GRID1: variants seen among roughly 807,000 people sequenced by gnomAD.
The protein encoded by GRID1 is glutamate ionotropic receptor delta type subunit 1.
A neutral mutation model predicts 98.0 loss-of-function variants in GRID1; 28 were observed. That is an observed-to-expected ratio of 0.29 (90% CI 0.21 to 0.39). GRID1 has a LOEUF of 0.39. Ranked by LOEUF, GRID1 falls within the 10% of genes least tolerant of loss-of-function variation. The pLI is 1.00. For synonymous variants in GRID1, 553 were observed against 538.5 expected (o/e 1.03, Z -0.37); for missense variants, 1,111 against 1,340.5 (o/e 0.83, Z 2.67).
chr10:86,009,521 G>A (rs1412521235), intron 4 of GRID1, among the ~76,000 whole-genome samples: 1 of 152,180 alleles, frequency 6.6e-6, no homozygotes, highest in Non-Finnish European at 1.5e-5. Context: ...CTGAGATAAA[G>A]CCAGGCCACG....
intron 8 of GRID1, among the ~76,000 whole-genome samples, chr10:85,773,684 G>A (rs7084225): frequency 0.66 from 99,591 of 151,996 alleles, 32,897 homozygotes; most frequent in East Asian, 0.87. Context: ...CCAATAACAG[G>A]CAAACAGAGA....
chr10:86,253,958 C>T (rs1046934987), intron 2 of GRID1, among the ~76,000 whole-genome samples: 5 of 152,206 alleles, frequency 3.3e-5, no homozygotes, highest in Middle Eastern at 3.2e-3. Context: ...CCTGCCCTCA[C>T]CACCTGTACA....
At chr10:85,928,816 A>G (rs1435114430) in intron 4 of GRID1, among the ~76,000 whole-genome samples, 1 of 152,184 alleles carries the variant, frequency 6.6e-6, no homozygotes, top group Non-Finnish European at 1.5e-5. Context: ...TACACAAACC[A>G]TTCAGAATAT....
intron 2 of GRID1, among the ~76,000 whole-genome samples, chr10:86,323,569 A>G (rs1484056889): frequency 6.6e-6 from 1 of 152,228 alleles, no homozygotes; most frequent in East Asian, 1.9e-4. Flanking sequence ...AAGAATTACC[A>G]AACGGTATGC....
chr10:85,993,562 G>T (rs11201865), intron 4 of GRID1, among the ~76,000 whole-genome samples: 76,169 of 151,952 alleles, frequency 0.5, 19,567 homozygotes, highest in South Asian at 0.72. Context: ...AGTCTGCAAA[G>T]GAGCTACTAC....
intron 8 of GRID1, among the ~76,000 whole-genome samples, chr10:85,750,702 T>C (rs1016142886): frequency 4.6e-5 from 7 of 152,152 alleles, no homozygotes; most frequent in African/African-American, 1.7e-4. Flanking sequence ...GCCTAACAAA[T>C]ATATCTCTTG....
intron 12 of GRID1, among the ~76,000 whole-genome samples, chr10:85,697,138 A>G (rs1841403118): frequency 2.0e-5 from 3 of 152,126 alleles, no homozygotes; most frequent in Admixed American, 2.0e-4. Flanking sequence ...AATTATGTCA[A>G]GTTAGCTGAG....
At chr10:85,619,782 G>C in intron 14 of GRID1, 85 bp downstream of exon 14, 1 of 1,003,968 alleles carries the variant, frequency 1.0e-6, no homozygotes, top group Non-Finnish European at 1.5e-6. Context: ...GTTTGCATTG[G>C]CTCTTATCTT....
intron 4 of GRID1, among the ~76,000 whole-genome samples, chr10:86,040,712 T>C (rs1489814699): frequency 6.6e-6 from 1 of 152,092 alleles, no homozygotes; most frequent in Non-Finnish European, 1.5e-5. Flanking sequence ...CAATAGTGTA[T>C]TGTATATTTC....
chr10:86,349,693 G>A (rs764607267), intron 2 of GRID1, among the ~76,000 whole-genome samples: 1 of 152,200 alleles, frequency 6.6e-6, no homozygotes, highest in African/African-American at 2.4e-5. Flanking sequence ...GCAGCTGTGC[G>A]ACCCCAAGTG....
intron 4 of GRID1, among the ~76,000 whole-genome samples, chr10:86,087,367 G>A (rs1260646669): frequency 7.0e-6 from 1 of 143,062 alleles, no homozygotes; most frequent in Non-Finnish European, 1.5e-5. Flanking sequence ...GTGTGTGTGT[G>A]TTGTGAGTGT....
chr10:85,949,351 A>G (rs533655255), intron 4 of GRID1, among the ~76,000 whole-genome samples: 1 of 152,328 alleles, frequency 6.6e-6, no homozygotes, highest in Admixed American at 6.5e-5. Context: ...ATATATAAGA[A>G]TATAACTTTA....
At chr10:85,665,474 G>A (rs553686170) in intron 12 of GRID1, among the ~76,000 whole-genome samples, 1 of 152,142 alleles carries the variant, frequency 6.6e-6, no homozygotes, top group Non-Finnish European at 1.5e-5. Context: ...GCAGGTTCCA[G>A]GCACTTTACC....
chr10:85,682,382 T>G lies in GRID1; in HGVS notation c.1998-34985A>C, dbSNP rs61563598. ...TGCAGCAATTATGGTCTATGATTAG[T>G]AGACCATAGACCTGGTCATAGACCA... On this transcript the variant is annotated intron_variant, in intron 12 of 15. Transcript: ENST00000327946. 5.9e-5 allele frequency among the ~76,000 whole-genome samples: 9 copies of G among 152,344 alleles called. No individual in the cohort carries two copies. The East Asian group carries it at 1.5e-3, about 26-fold the overall frequency.
chr10:86,221,775 A>C (rs997178351), intron 2 of GRID1, among the ~76,000 whole-genome samples: 1 of 152,074 alleles, frequency 6.6e-6, no homozygotes, highest in Non-Finnish European at 1.5e-5. Flanking sequence ...CTTTGTTTTG[A>C]TCCCAGGAGC....
intron 8 of GRID1, among the ~76,000 whole-genome samples, chr10:85,776,746 C>T (rs894453318): frequency 1.3e-5 from 2 of 152,218 alleles, no homozygotes; most frequent in Non-Finnish European, 2.9e-5. Context: ...GGAGGTTGGC[C>T]TGCAAGGGCA....
chr10:85,663,674 G>C (rs376922838), intron 12 of GRID1, among the ~76,000 whole-genome samples: 12 of 152,146 alleles, frequency 7.9e-5, no homozygotes, highest in African/African-American at 2.9e-4. Context: ...ACTCCATGAA[G>C]GTGGAGACCA....
intron 4 of GRID1, among the ~76,000 whole-genome samples, chr10:85,982,741 C>A (rs1842561379): frequency 6.6e-6 from 1 of 152,190 alleles, no homozygotes; most frequent in South Asian, 2.1e-4. Flanking sequence ...TGACTCATAT[C>A]AGGACCTCAG....
chr10:85,899,566 T>A (rs1841349401), intron 5 of GRID1, among the ~76,000 whole-genome samples: 1 of 152,204 alleles, frequency 6.6e-6, no homozygotes, highest in African/African-American at 2.4e-5. Context: ...TTTCTTGCCA[T>A]CCCTTTAATT....
Sources: gnomAD v4.1 joint callset for allele counts (sites outside exome capture counted in the v4.1 genomes callset) on GRCh38, gnomAD v4.1.1 for gene constraint, MANE v1.5 for transcripts, NCBI Gene and HGNC (gene_info 2026-07-23, HGNC 2026-07-21) for gene names.